PSG7: variants seen among roughly 807,000 people sequenced by gnomAD.
PSG7 encodes the protein pregnancy-specific beta-1-glycoprotein 7.
Under a neutral mutation model 45.6 loss-of-function variants are expected in PSG7, and 57 were observed. The ratio of observed to expected loss-of-function variants is 1.25; its 90% confidence interval spans 1.01 to 1.56. The LOEUF is 1.56. PSG7 is among the 40% of genes most tolerant of loss of function. PSG7 has a pLI of 0.00. For missense variants in PSG7, 796 were observed against 508.4 expected, an observed-to-expected ratio of 1.57 and a Z score of -5.44; for synonymous variants, 298 against 194.4, an observed-to-expected ratio of 1.53 and a Z score of -4.43.
intron 3 of PSG7, 114 bp from the exon 4 acceptor site, chr19:42,926,830 G>C: frequency 6.6e-7 from 1 of 1,508,518 alleles, no homozygotes; most frequent in Non-Finnish European, 9.0e-7. Context: ...GTCCTTGAAA[G>C]CCAATAGCTG....
rs200257675 is a variant in PSG7 at position 42,929,471 on chromosome 19, C to A, written c.680G>T (p.Arg227Leu). Reference sequence around the variant, plus strand: ...GAGATTCAGGGTGACTGGGTCACTGCGGCTGGCACTCACTGGGTTCCGTAT... The same window carrying A: ...GAGATTCAGGGTGACTGGGTCACTGAGGCTGGCACTCACTGGGTTCCGTAT... ...CEIRNPVSAS[R>L]SDPVTLNLLP... Residue 227 changes from arginine (R) to leucine (L), a missense_variant, in exon 3 of 6, where the codon CGC (arginine) becomes CTC (leucine). Coordinates refer to ENST00000406070, the MANE Select transcript of PSG7 (RefSeq NM_002783.3). 4.3e-6 allele frequency: 7 copies of A among 1,612,432 alleles called. No homozygotes were observed. The East Asian group carries it at 6.7e-5, about 15-fold the overall frequency.
rs542470411 is a variant in PSG7 at position 42,936,743 on chromosome 19, G to C, written c.64+270C>G. 5.5e-4 allele frequency among the ~76,000 whole-genome samples: 83 copies of C among 151,314 alleles called. 3 individuals carry two copies. The highest frequency in any genetic ancestry group is 1.8e-3 in the Admixed American group (27 of 15,126). On this transcript the variant is annotated intron_variant, in intron 1 of 5. Transcript: ENST00000406070. ...GCTAGCTGCAACTTCTGCCTCCCGG[G>C]TTCATGTGATTCTCCTGCCTCAGCC... is the stretch of plus-strand genomic sequence containing the variant.
intron 1 of PSG7, 69 bp from the exon 2 acceptor site, chr19:42,935,838 G>A: frequency 6.5e-7 from 1 of 1,528,982 alleles, no homozygotes. Flanking sequence ...GGGCCCCTGG[G>A]TCCTGAGAAG....
chr19:42,926,954 C>T (rs1962302), intron 3 of PSG7: 262,840 of 807,790 alleles, frequency 0.33, 48,357 homozygotes, highest in African/African-American at 0.56. Context: ...AGCAGCAGTG[C>T]TGGGTCATGG....
intron 2 of PSG7, among the ~76,000 whole-genome samples, chr19:42,930,321 G>T (rs1374172500): frequency 3.3e-5 from 5 of 151,612 alleles, no homozygotes; most frequent in African/African-American, 4.8e-5. Context: ...GTTTTCCCAG[G>T]TGTCTCATAG....
At chr19:42,929,806 A>G (rs1600566983) in intron 2 of PSG7, 86 bp from the exon 3 acceptor site, 1 of 1,517,070 alleles carries the variant, frequency 6.6e-7, no homozygotes, top group African/African-American at 1.4e-5. Flanking sequence ...GGCATTTCCA[A>G]CCTCTCAGCC....
intron 2 of PSG7, among the ~76,000 whole-genome samples, chr19:42,930,851 T>A (rs1222389301): frequency 6.6e-6 from 1 of 151,648 alleles, no homozygotes; most frequent in Non-Finnish European, 1.5e-5. Flanking sequence ...TACAGCCTCA[T>A]GCCTATAGTT....
chr19:42,928,717 G>A lies in PSG7; in HGVS notation c.709+725C>T, dbSNP rs190039510. ...TTCCCTCTCCCTCTGCAGAGGGCAGGTGGCTCTTCCCTGATAGCCAGATAG... is the reference window on the plus strand; with the variant it reads ...TTCCCTCTCCCTCTGCAGAGGGCAGATGGCTCTTCCCTGATAGCCAGATAG... On this transcript the variant is annotated intron_variant, in intron 3 of 5. Transcript: ENST00000406070. 1.4e-4 allele frequency among the ~76,000 whole-genome samples: 21 copies of A among 151,434 alleles called. 1 individual carries two copies. The highest frequency in any genetic ancestry group is 2.8e-4 in the Non-Finnish European group (19 of 67,840).
rs1405844340 is a variant in PSG7, at chr19:42,935,448, T to C, written c.386A>G (p.Asp129Gly). 2 of 1,612,184 alleles carry C rather than the reference T, an allele frequency of 1.2e-6. No individual in the cohort carries two copies. The highest frequency in any genetic ancestry group is 2.2e-5 in the East Asian group (1 of 44,786). Residue 129 changes from aspartate (D) to glycine (G), a missense_variant, in exon 2 of 6, where the codon GAT becomes GGT. Coordinates refer to ENST00000406070, the MANE Select transcript of PSG7 (RefSeq NM_002783.3). ...SYTLHIIKRG[D>G]GTGGVTGRFT... ...ACGTCCAGTTACTCCTCCAGTCCCA[T>C]CACCTCGCTTTATGATGTGTAAAGT...
chr19:42,928,024 A>C (rs952257957), intron 3 of PSG7, among the ~76,000 whole-genome samples: 2 of 151,752 alleles, frequency 1.3e-5, no homozygotes, highest in African/African-American at 4.8e-5. Flanking sequence ...TCTTTTCAGC[A>C]TCAGATTAGT....
intron 1 of PSG7, 124 bp from the exon 2 acceptor site, chr19:42,935,893 CACACACACACACACACACACAA>C (rs1973141926): frequency 2.4e-5 from 30 of 1,239,068 alleles, no homozygotes; most frequent in Non-Finnish European, 3.3e-5. Context: ...CACACACACA[CACACACACACACACACACACAA>C]ACACACACAC....
At position 42,929,687 on chromosome 19, in the gene PSG7, T is replaced by A. The variant is rs763841110; in HGVS notation, c.464A>T (p.Asn155Ile). The A allele has an allele frequency of 6.2e-6, 10 of 1,612,250 alleles. No individual in the cohort carries two copies. Among genetic ancestry groups the A allele is most frequent in the Non-Finnish European group, 8.5e-6 (10 of 1,179,106 alleles). ...CTCCGTGGCCTCCCTGGGGTTGAAA[T>A]TGCTGCTGGAGATGGAGGGTTTGGG... ...ETPKPSISSSNFNPREATEAV... is the reference protein window; with the variant it reads ...ETPKPSISSSIFNPREATEAV... The change falls in exon 3 of 6, where the codon AAT (asparagine) becomes ATT (isoleucine). Residue 155 changes from asparagine (N) to isoleucine (I), a missense_variant. Coordinates refer to ENST00000406070, the MANE Select transcript of PSG7 (RefSeq NM_002783.3).
chr19:42,926,418 G>A lies in PSG7; in HGVS notation c.988+20C>T, dbSNP rs759784293. The stretch of plus-strand genomic sequence containing the variant: ...GTGTCCTGGCCCACAGAGGAAGAAA[G>A]GATACTCAAGGATACTCACAGAGGA... On this transcript the variant is annotated intron_variant, in intron 4 of 5. Transcript: ENST00000406070. The A allele has an allele frequency of 1.2e-6, 2 of 1,610,262 alleles. No homozygotes were observed. The highest frequency in any genetic ancestry group is 1.7e-6 in the Non-Finnish European group (2 of 1,178,090).
intron 3 of PSG7, chr19:42,927,430 C>G (rs965457337): frequency 3.3e-5 from 5 of 152,644 alleles, no homozygotes; most frequent in African/African-American, 9.7e-5. Flanking sequence ...GGTTTTGGAG[C>G]AGAAGCATGT....
rs937668868 is a variant in PSG7 at position 42,935,314 on chromosome 19, C to A, written c.430+90G>T. Reference sequence around the variant, plus strand: ...ATGGGACATAATGCAGAGAGGGACACAGGCACAGTCCAGGCCTGACAATTC... The same window carrying A: ...ATGGGACATAATGCAGAGAGGGACAAAGGCACAGTCCAGGCCTGACAATTC... On this transcript the variant is annotated intron_variant, in intron 2 of 5. Coordinates refer to ENST00000406070, the MANE Select transcript of PSG7 (RefSeq NM_002783.3). 18 of 1,532,522 alleles carry A rather than the reference C, an allele frequency of 1.2e-5. 1 individual carries two copies. The East Asian group carries it at 4.1e-4, about 35-fold the overall frequency. The allele number at this position is 1,532,522 out of a possible 1,614,324, so 94.9% of individuals were successfully genotyped here. A position where few individuals can be genotyped will look rare whatever the true frequency, so the allele number is the denominator to read the frequency against.
Position 42,935,412 on chromosome 19 carries a change from G to A in PSG7, c.422C>T (p.Thr141Ile). The A allele has an allele frequency of 6.2e-7, 1 of 1,611,708 alleles. No homozygotes were observed. The highest frequency in any genetic ancestry group is 8.5e-7 in the Non-Finnish European group (1 of 1,178,746). Residue 141 changes from threonine (T) to isoleucine (I), a missense_variant, in exon 2 of 6, where the codon ACC becomes ATC. By Grantham distance (89) the Thr-to-Ile change is moderately conservative. Transcript: ENST00000406070. ...CATGTGGAATCACTCACGGTATAAG[G>A]TGAAGGTGAAACGTCCAGTTACTCC... ...TGGVTGRFTF[T>I]LYLETPKPSI...
rs183719476 is a variant in PSG7, at chr19:42,936,786, T to C, written c.64+227A>G. Among the ~76,000 whole-genome samples the C allele has an allele frequency of 8.2e-4, 124 of 151,564 alleles. 4 individuals are homozygous for C. The highest frequency in any genetic ancestry group is 3.6e-3 in the Admixed American group (54 of 15,160). On this transcript the variant is annotated intron_variant, in intron 1 of 5. Coordinates refer to ENST00000406070, the MANE Select transcript of PSG7 (RefSeq NM_002783.3). ...CCTCAGCCTCCTGAGTAGCTAGGAT[T>C]ACAGGAGCACACCACCATACCTGGT...
At position 42,937,042 on chromosome 19, in the gene PSG7, T is replaced by G; in HGVS notation, c.35A>C (p.His12Pro). 2 of 1,611,684 alleles carry G rather than the reference T, an allele frequency of 1.2e-6. No homozygotes were observed. Among genetic ancestry groups the G allele is most frequent in the Non-Finnish European group, 1.7e-6 (2 of 1,178,614 alleles). The change falls in exon 1 of 6, where the codon CAT (histidine) becomes CCT (proline). Residue 12 changes from histidine (H) to proline (P), a missense_variant. Transcript: ENST00000406070. ...GPLSAPPCTQ[H>P]ITWKGLLLTA... ...GAGCAGGAGCCCTTTCCAGGTTATA[T>G]GCTGTGTGCAGGGAGGGGCTGAGAG...
intron 2 of PSG7, among the ~76,000 whole-genome samples, chr19:42,933,303 A>AT (rs1418931958): frequency 1.1e-3 from 16 of 14,842 alleles, no homozygotes; most frequent in Non-Finnish European, 1.5e-3. Flanking sequence ...ATATATATAT[A>AT]TATATTTTTT....
Sources: gnomAD v4.1 joint callset for allele counts (sites outside exome capture counted in the v4.1 genomes callset) on GRCh38, gnomAD v4.1.1 for gene constraint, MANE v1.5 for transcripts, NCBI Gene and HGNC (gene_info 2026-07-23, HGNC 2026-07-21) for gene names.